Variants in MDGA2 observed in about 807,000 individuals in gnomAD.
MDGA2 encodes the protein MAM domain containing glycosylphosphatidylinositol anchor 2.
A neutral mutation model predicts 117.8 loss-of-function variants in MDGA2; 40 were observed. That is an observed-to-expected ratio of 0.34 (90% CI 0.26 to 0.44). The LOEUF is 0.44. MDGA2 is among the 20% of genes least tolerant of loss of function. The pLI, the probability that MDGA2 is intolerant of heterozygous loss-of-function variation, is 1.00. For synonymous variants in MDGA2, 452 were observed against 439.0 expected (o/e 1.03, Z -0.37); for missense variants, 1,123 against 1,250.6 (o/e 0.90, Z 1.54).
chr14:47,667,012 C>T (rs775857766), intron 1 of MDGA2, among the ~76,000 whole-genome samples: 6 of 152,168 alleles, frequency 3.9e-5, no homozygotes, highest in Non-Finnish European at 7.4e-5. Flanking sequence ...TCAGAAGGAA[C>T]AAACTCCGGA....
intron 1 of MDGA2, among the ~76,000 whole-genome samples, chr14:47,647,461 C>A (rs1334561823): frequency 6.6e-6 from 1 of 151,986 alleles, no homozygotes; most frequent in Admixed American, 6.6e-5. Context: ...ATGTGAAACA[C>A]AATTCCACTT....
At chr14:47,618,569 G>T (rs1169773252) in intron 1 of MDGA2, among the ~76,000 whole-genome samples, 6 of 152,064 alleles carry the variant, frequency 3.9e-5, no homozygotes, top group Non-Finnish European at 5.9e-5. Context: ...TTACAAGAAG[G>T]CACTGTATGT....
At chr14:46,851,561 TCAAA>T (rs894515732) in intron 15 of MDGA2, among the ~76,000 whole-genome samples, 7 of 151,942 alleles carry the variant, frequency 4.6e-5, no homozygotes, top group South Asian at 4.1e-4. Flanking sequence ...TTGGACACAC[TCAAA>T]CAAAGGACTG....
chr14:46,992,947 A>C (rs1395063193), intron 8 of MDGA2, among the ~76,000 whole-genome samples: 1 of 152,158 alleles, frequency 6.6e-6, no homozygotes, highest in African/African-American at 2.4e-5. Context: ...AAAATGAGTG[A>C]TGTGAAAACA....
chr14:46,874,392 A>T (rs1595012422), intron 12 of MDGA2, among the ~76,000 whole-genome samples, 192 bp from the exon 13 acceptor site: 1 of 151,914 alleles, frequency 6.6e-6, no homozygotes, highest in African/African-American at 2.4e-5. Context: ...AAGTAAAAGA[A>T]TTTTACATGT....
At chr14:47,255,715 AAC>A (rs1887594804) in intron 2 of MDGA2, among the ~76,000 whole-genome samples, 1 of 151,918 alleles carries the variant, frequency 6.6e-6, no homozygotes, top group Non-Finnish European at 1.5e-5. Context: ...TTATTCTGTC[AAC>A]TGCTTGTCAT....
intron 1 of MDGA2, among the ~76,000 whole-genome samples, chr14:47,399,185 AAAGAT>A (rs1892079835): frequency 1.3e-5 from 2 of 152,176 alleles, no homozygotes; most frequent in Non-Finnish European, 2.9e-5. Context: ...GAGAAATGTC[AAAGAT>A]AAGACATAAG....
chr14:46,873,665 C>G, intron 13 of MDGA2, 74 bp from the exon 14 acceptor site: 1 of 1,339,734 alleles, frequency 7.5e-7, no homozygotes, highest in South Asian at 1.5e-5. Context: ...ACTGAGAAGT[C>G]TTATAGTTTT....
chr14:47,043,489 C>T (rs971728444), intron 7 of MDGA2, among the ~76,000 whole-genome samples: 5 of 151,954 alleles, frequency 3.3e-5, no homozygotes, highest in African/African-American at 1.2e-4. Context: ...GTTACATGTC[C>T]TTCTGGGTTG....
intron 4 of MDGA2, among the ~76,000 whole-genome samples, chr14:47,139,887 T>C (rs34039193): frequency 0.09 from 13,176 of 145,744 alleles, 692 homozygotes; most frequent in African/African-American, 0.1. Flanking sequence ...CACACACATA[T>C]ATATATATAT....
rs181169812 is a variant in MDGA2 at position 46,893,801 on chromosome 14, T to C, written c.2239-11580A>G. 5.2e-3 allele frequency among the ~76,000 whole-genome samples: 790 copies of C among 152,132 alleles called. 8 individuals are homozygous for C. Among genetic ancestry groups the C allele is most frequent in the South Asian group, 0.017 (84 of 4,824 alleles). On this transcript the variant is annotated intron_variant, in intron 10 of 16. Coordinates refer to ENST00000399232, the MANE Select transcript of MDGA2 (RefSeq NM_001113498.3). ...TTTTAAAAGTTATCTTCTGTGTTTTTAGTACAAATTGTACTGTCAGTCTCC... is the reference window on the plus strand; with the variant it reads ...TTTTAAAAGTTATCTTCTGTGTTTTCAGTACAAATTGTACTGTCAGTCTCC...
chr14:47,033,051 A>G (rs1278817008), intron 8 of MDGA2, among the ~76,000 whole-genome samples: 2 of 152,194 alleles, frequency 1.3e-5, no homozygotes, highest in Non-Finnish European at 2.9e-5. Context: ...GCCTGTGTCT[A>G]TCGGTATTTT....
At position 47,395,842 on chromosome 14, in the gene MDGA2, C is replaced by A. The variant is rs531757036; in HGVS notation, c.281-94292G>T. ...GTCACCATTTTGTTTAAGTTTGTTACAATACTCACAATGTTTAAATATGTG... is the reference window on the plus strand; with the variant it reads ...GTCACCATTTTGTTTAAGTTTGTTAAAATACTCACAATGTTTAAATATGTG... On this transcript the variant is annotated intron_variant, in intron 1 of 16. Transcript: ENST00000399232. 3.3e-5 allele frequency among the ~76,000 whole-genome samples: 5 copies of A among 152,154 alleles called. No homozygotes were observed. The South Asian group carries it at 6.2e-4, about 19-fold the overall frequency.
chr14:46,852,514 G>C (rs1881100310), intron 15 of MDGA2, among the ~76,000 whole-genome samples: 2 of 151,810 alleles, frequency 1.3e-5, no homozygotes, highest in Admixed American at 1.3e-4. Flanking sequence ...GAAAGAGAGA[G>C]AGAAATAGAG....
chr14:47,308,487 C>T (rs1334772996), intron 1 of MDGA2, among the ~76,000 whole-genome samples: 7 of 145,374 alleles, frequency 4.8e-5, no homozygotes, highest in Non-Finnish European at 6.0e-5. Flanking sequence ...TTCTTTTTTC[C>T]CTCTCTTTCT....
intron 6 of MDGA2, among the ~76,000 whole-genome samples, chr14:47,074,368 C>T (rs1374856296): frequency 1.3e-5 from 2 of 151,556 alleles, no homozygotes; most frequent in African/African-American, 2.4e-5. Context: ...TGCGGTGGCG[C>T]GATCTCGGCT....
intron 6 of MDGA2, among the ~76,000 whole-genome samples, chr14:47,067,187 C>T (rs961169955): frequency 2.6e-5 from 4 of 152,106 alleles, no homozygotes; most frequent in Non-Finnish European, 4.4e-5. Flanking sequence ...AAAAAAAGTT[C>T]GTATTTCTCC....
chr14:47,144,118 G>C lies in MDGA2; in HGVS notation c.752C>G (p.Ser251Cys), dbSNP rs935170807. The C allele has an allele frequency of 6.4e-7, 1 of 1,550,818 alleles. No homozygotes were observed. The highest frequency in any genetic ancestry group is 1.4e-5 in the African/African-American group (1 of 72,980). The change falls in exon 4 of 17, where the codon TCT becomes TGT. Residue 251 changes from serine to cysteine, a missense_variant. Physicochemically the swap from Ser to Cys is moderately radical, Grantham distance 112 (BLOSUM62 -1). This residue lies in a region of MDGA2 where 890 missense variants were observed against 1,050.3 expected (regional missense o/e 0.85). Coordinates refer to ENST00000399232, the MANE Select transcript of MDGA2 (RefSeq NM_001113498.3). Reference sequence around the variant, plus strand: ...TTCATAAATCTCAACTCCTTTATCAGATCCTTGCAGCAAGACCTCCTGGCC... The same window carrying C: ...TTCATAAATCTCAACTCCTTTATCACATCCTTGCAGCAAGACCTCCTGGCC... ...RRGQEVLLQG[S>C]DKGVEIYEPF...
intron 3 of MDGA2, among the ~76,000 whole-genome samples, chr14:47,177,451 C>A (rs1015495838): frequency 2.4e-4 from 36 of 152,262 alleles, no homozygotes; most frequent in African/African-American, 8.2e-4. Flanking sequence ...CACATAGACA[C>A]CATGGAATAC....
Sources: gnomAD v4.1 joint callset for allele counts (sites outside exome capture counted in the v4.1 genomes callset) on GRCh38, gnomAD v4.1.1 for gene constraint, gnomAD v4.1.1 regional missense constraint, MANE v1.5 for transcripts, NCBI Gene and HGNC (gene_info 2026-07-23, HGNC 2026-07-21) for gene names.